Variants in PRELID2 observed in about 807,000 individuals in gnomAD.
PRELID2 encodes PRELI domain-containing protein 2.
Under a neutral mutation model 28.4 loss-of-function variants are expected in PRELID2, and 25 were observed. The observed-to-expected ratio is 0.88, with a 90% CI of 0.64 to 1.23. The LOEUF (loss-of-function observed/expected upper bound fraction) is 1.23. Ranked by LOEUF, PRELID2 falls within the 50% of genes most tolerant of loss-of-function variation. The probability of loss-of-function intolerance (pLI) is 0.00; values close to 1 mark genes in which losing one functional copy is unlikely to be tolerated. For missense variants in PRELID2, 201 were observed against 214.4 expected, an observed-to-expected ratio of 0.94 and a Z score of 0.39; for synonymous variants, 76 against 71.6, an observed-to-expected ratio of 1.06 and a Z score of -0.31.
At chr5:145,502,284 T>C (rs1752366398) in intron 1 of PRELID2, among the ~76,000 whole-genome samples, 1 of 152,064 alleles carries the variant, frequency 6.6e-6, no homozygotes, top group African/African-American at 2.4e-5. Flanking sequence ...CCAGATCTCA[T>C]GATAACTCAC....
chr5:145,299,991 T>TGA, the PRELID2 span, among the ~76,000 whole-genome samples: 6 of 152,158 alleles, frequency 3.9e-5, no homozygotes, highest in Admixed American at 2.6e-4. Flanking sequence ...TTTTGTCTTT[T>TGA]TTCATTTCAT....
the PRELID2 span, among the ~76,000 whole-genome samples, chr5:145,353,618 A>T: frequency 6.6e-6 from 1 of 152,100 alleles, no homozygotes; most frequent in Non-Finnish European, 1.5e-5. Context: ...TCATCACATG[A>T]TGTTAGTAAG....
chr5:145,407,075 T>C, the PRELID2 span, among the ~76,000 whole-genome samples: 1 of 152,166 alleles, frequency 6.6e-6, no homozygotes, highest in East Asian at 1.9e-4. Flanking sequence ...CAAATTTTCC[T>C]GAGCTGAAGC....
chr5:145,658,194 G>A lies in PRELID2; in HGVS notation n.70+106737C>T, dbSNP rs193014077. Among the ~76,000 whole-genome samples the A allele has an allele frequency of 3.9e-3, 601 of 152,296 alleles. 4 individuals carry two copies. The highest frequency in any genetic ancestry group is 6.0e-3 in the South Asian group (29 of 4,826). ...ATTATAAGATGTTAACGTGACAAGT[G>A]TTAGGACTATGAACAAAAAAATGTT... On this transcript the variant is annotated intron_variant and non_coding_transcript_variant, in intron 1 of 2. Coordinates refer to the PRELID2 transcript ENST00000510259.
intron 4 of PRELID2, among the ~76,000 whole-genome samples, chr5:145,805,363 C>CA (rs974345341): frequency 1.3e-5 from 2 of 152,022 alleles, no homozygotes; most frequent in African/African-American, 2.4e-5. Flanking sequence ...AAGAATTTTG[C>CA]AAAAAATGAA....
intron 1 of PRELID2, among the ~76,000 whole-genome samples, chr5:145,743,987 G>A (rs752283505): frequency 6.6e-6 from 1 of 152,240 alleles, no homozygotes; most frequent in Non-Finnish European, 1.5e-5. Flanking sequence ...TTTCCCTGCT[G>A]CAGCCAGGGA....
At chr5:145,667,697 A>G (rs901393941) in intron 1 of PRELID2, among the ~76,000 whole-genome samples, 1 of 152,082 alleles carries the variant, frequency 6.6e-6, no homozygotes, top group South Asian at 2.1e-4. Context: ...ACTACCTGCT[A>G]ACCAGTCACT....
the PRELID2 span, among the ~76,000 whole-genome samples, chr5:145,385,481 T>C: frequency 6.6e-6 from 1 of 152,156 alleles, no homozygotes; most frequent in African/African-American, 2.4e-5. Flanking sequence ...GGCAACACTG[T>C]GTGGAGGAAA....
the PRELID2 span, among the ~76,000 whole-genome samples, chr5:145,318,154 G>A: frequency 6.6e-6 from 1 of 152,138 alleles, no homozygotes; most frequent in African/African-American, 2.4e-5. Flanking sequence ...TAGGAAGCAA[G>A]GGAAGGGTAT....
intron 1 of PRELID2, among the ~76,000 whole-genome samples, chr5:145,640,400 C>G (rs372192859): frequency 2.8e-4 from 41 of 148,350 alleles, no homozygotes; most frequent in African/African-American, 8.7e-4. Context: ...GGCGTGAACC[C>G]GGGAGGCGGA....
chr5:145,514,318 C>CAAAAAAAAAAAAAAAA (rs55760860), intron 1 of PRELID2, among the ~76,000 whole-genome samples: 65 of 67,404 alleles, frequency 9.6e-4, no homozygotes, highest in Middle Eastern at 9.4e-3. Flanking sequence ...AAATGGAAAG[C>CAAAAAAAAAAAAAAAA]AAAAAAAAAA....
chr5:145,818,797 T>A lies in PRELID2; in HGVS notation c.208-743A>T, dbSNP rs539481449. 2.0e-5 allele frequency among the ~76,000 whole-genome samples: 3 copies of A among 152,328 alleles called. No homozygotes were observed. The East Asian group carries it at 5.8e-4, about 29-fold the overall frequency. ...GACGGAAGCTGCCATTTGTTCCACA[T>A]ACAGCACAGCAATTTAATTTGCAAG... On this transcript the variant is annotated intron_variant, in intron 3 of 6. Coordinates refer to ENST00000683046, the MANE Select transcript of PRELID2 (RefSeq NM_205846.3).
intron 5 of PRELID2, among the ~76,000 whole-genome samples, chr5:145,771,999 G>A (rs535436544): frequency 1.4e-4 from 22 of 152,308 alleles, no homozygotes; most frequent in African/African-American, 4.6e-4. Context: ...TCTCCATGAA[G>A]AGATCTTCTA....
chr5:145,243,879 T>C, the PRELID2 span, among the ~76,000 whole-genome samples: 16 of 152,086 alleles, frequency 1.1e-4, no homozygotes, highest in Non-Finnish European at 2.4e-4. Flanking sequence ...ATGAAAGTCT[T>C]TGCTAGTTCC....
intron 1 of PRELID2, among the ~76,000 whole-genome samples, chr5:145,645,232 T>C (rs1228060376): frequency 6.6e-6 from 1 of 152,098 alleles, no homozygotes; most frequent in East Asian, 1.9e-4. Context: ...AATAATTAGC[T>C]CTTCTTGTTG....
chr5:145,343,715 T>C, the PRELID2 span, among the ~76,000 whole-genome samples: 36 of 150,206 alleles, frequency 2.4e-4, no homozygotes, highest in Non-Finnish European at 4.8e-4. Flanking sequence ...AAAGAATAAA[T>C]AAAACAAAAA....
At chr5:145,602,127 A>C (rs542887977) in intron 1 of PRELID2, among the ~76,000 whole-genome samples, 1 of 152,332 alleles carries the variant, frequency 6.6e-6, no homozygotes, top group Non-Finnish European at 1.5e-5. Context: ...AAAGATATGC[A>C]GATTCTGGTA....
chr5:145,254,118 G>T, the PRELID2 span, among the ~76,000 whole-genome samples: 92 of 152,142 alleles, frequency 6.0e-4, 1 homozygote, highest in East Asian at 0.016. Flanking sequence ...TATGTGTGCC[G>T]ATGAATGACC....
At chr5:145,661,672 A>T (rs1308526763) in intron 1 of PRELID2, among the ~76,000 whole-genome samples, 6 of 148,142 alleles carry the variant, frequency 4.1e-5, no homozygotes, top group African/African-American at 1.3e-4. Context: ...CCATTAAAAA[A>T]AAAAAAAAAA....
Sources: allele counts gnomAD v4.1 joint callset (sites outside exome capture counted in the v4.1 genomes callset), GRCh38; gene constraint gnomAD v4.1.1; transcripts MANE v1.5; gene names NCBI Gene and HGNC (gene_info 2026-07-23, HGNC 2026-07-21).